The following THAP5 variants were observed in gnomAD, a reference collection of about 807,000 sequenced individuals.
The protein encoded by THAP5 is THAP domain-containing protein 5.
THAP5 carries 26 observed loss-of-function variants against 34.0 expected under a neutral mutation model. The observed-to-expected ratio is 0.77, with a 90% CI of 0.56 to 1.06. The LOEUF (loss-of-function observed/expected upper bound fraction) is 1.06, where lower values mean the gene tolerates loss of function less well. THAP5 is among the 50% of genes least tolerant of loss of function. The pLI is 0.00. For missense variants in THAP5, 394 were observed against 452.8 expected, an observed-to-expected ratio of 0.87 and a Z score of 1.18; for synonymous variants, 125 against 153.0, an observed-to-expected ratio of 0.82 and a Z score of 1.35.
Position 108,564,519 on chromosome 7 carries a change from G to C in THAP5, c.860C>G (p.Ser287Cys). 1 of 1,613,840 alleles carries C rather than the reference G, an allele frequency of 6.2e-7. No homozygotes were observed. The highest frequency in any genetic ancestry group is 8.5e-7 in the Non-Finnish European group (1 of 1,179,890). Residue 287 changes from serine to cysteine, a missense_variant, in exon 3 of 3, where the codon TCT (serine) becomes TGT (cysteine). Coordinates refer to ENST00000415914, the MANE Select transcript of THAP5 (RefSeq NM_001130475.3). Reference protein sequence around the residue: ...PAENSKPSVNSFISAQKETTE... With the variant: ...PAENSKPSVNCFISAQKETTE... ...GGTTTCTTTTTGTGCAGATATAAAAGAATTAACTGAGGGTTTAGAATTTTC... is the reference window on the plus strand; with the variant it reads ...GGTTTCTTTTTGTGCAGATATAAAACAATTAACTGAGGGTTTAGAATTTTC...
chr7:108,553,687 A>G (rs762902586), downstream of THAP5, among the ~76,000 whole-genome samples: 7 of 152,180 alleles, frequency 4.6e-5, no homozygotes, highest in Non-Finnish European at 7.4e-5. Flanking sequence ...GTAATTTGAC[A>G]GAGGTAAGCT....
At chr7:108,550,857 G>C (rs908341602), downstream of THAP5, among the ~76,000 whole-genome samples, 5 of 152,140 alleles carry the variant, frequency 3.3e-5, no homozygotes, top group African/African-American at 1.2e-4. Context: ...ACGTCCTGAG[G>C]TACTGGGCTT....
downstream of THAP5, among the ~76,000 whole-genome samples, chr7:108,560,812 C>T (rs1055411008): frequency 9.9e-5 from 15 of 152,210 alleles, no homozygotes; most frequent in African/African-American, 3.6e-4. Flanking sequence ...GCAGTCATGG[C>T]TCACTGCAGC....
At chr7:108,566,577 C>CT (rs751603604) in intron 1 of THAP5, among the ~76,000 whole-genome samples, 1 of 152,128 alleles carries the variant, frequency 6.6e-6, no homozygotes, top group Non-Finnish European at 1.5e-5. Flanking sequence ...CTAGCATCAT[C>CT]TTTAATTCTA....
the THAP5 span, among the ~76,000 whole-genome samples, chr7:108,546,333 C>T: frequency 7.2e-5 from 11 of 152,156 alleles, no homozygotes; most frequent in African/African-American, 2.7e-4. Context: ...GGCAATTACA[C>T]AGCAAAGTGT....
At chr7:108,546,545 G>A in the THAP5 span, among the ~76,000 whole-genome samples, 1 of 152,122 alleles carries the variant, frequency 6.6e-6, no homozygotes. Context: ...GAATCGTAAG[G>A]GGACGAGGAG....
At chr7:108,545,057 A>T in the THAP5 span, among the ~76,000 whole-genome samples, 1 of 152,202 alleles carries the variant, frequency 6.6e-6, no homozygotes, top group African/African-American at 2.4e-5. Context: ...AATAAATTAT[A>T]TTTAGTTTTA....
downstream of THAP5, among the ~76,000 whole-genome samples, chr7:108,560,655 C>T (rs1864420607): frequency 6.6e-6 from 1 of 152,188 alleles, no homozygotes; most frequent in Non-Finnish European, 1.5e-5. Flanking sequence ...GAGTTTGAAA[C>T]AGATGCCATT....
At chr7:108,547,691 G>A in the THAP5 span, among the ~76,000 whole-genome samples, 2 of 152,066 alleles carry the variant, frequency 1.3e-5, no homozygotes, top group African/African-American at 4.8e-5. Context: ...TTTAGATATG[G>A]GACACTTTTT....
intron 1 of THAP5, among the ~76,000 whole-genome samples, chr7:108,566,393 ATAAAT>A (rs1790488877): frequency 1.3e-5 from 2 of 152,356 alleles, no homozygotes; most frequent in South Asian, 4.1e-4. Context: ...AAAGGTTTGT[ATAAAT>A]TATAAATTCC....
intron 1 of THAP5, among the ~76,000 whole-genome samples, chr7:108,556,319 T>C (rs1864385545): frequency 6.6e-6 from 1 of 152,168 alleles, no homozygotes; most frequent in African/African-American, 2.4e-5. Flanking sequence ...CATTCCAGCA[T>C]TAACTCAAAA....
intron 1 of THAP5, among the ~76,000 whole-genome samples, chr7:108,556,397 C>A (rs1364615740): frequency 6.6e-6 from 1 of 152,114 alleles, no homozygotes; most frequent in Non-Finnish European, 1.5e-5. Flanking sequence ...AAAAATGAAT[C>A]AAAAACAAGT....
At position 108,564,016 on chromosome 7, in the gene THAP5, T is replaced by C; in HGVS notation, c.*175A>G. 1 of 507,362 alleles carries C rather than the reference T, an allele frequency of 2.0e-6. No homozygotes were observed. The highest frequency in any genetic ancestry group is 3.3e-6 in the Non-Finnish European group (1 of 300,292). 31.4% of individuals were successfully genotyped at this position (507,362 alleles called of 1,614,324 possible). A position where few individuals can be genotyped will look rare whatever the true frequency, so the allele number is the denominator to read the frequency against. On this transcript the variant is annotated 3_prime_UTR_variant, in exon 3 of 3. Coordinates refer to ENST00000415914, the MANE Select transcript of THAP5 (RefSeq NM_001130475.3). ...AAACTGCTTTTCTCTCCAGCCCAAC[T>C]CTCTGGTTTTTCTTAAATAAGTATT...
At chr7:108,547,590 T>C in the THAP5 span, among the ~76,000 whole-genome samples, 2 of 152,222 alleles carry the variant, frequency 1.3e-5, no homozygotes, top group Non-Finnish European at 2.9e-5. Context: ...TATATAGTAA[T>C]TTGAACATTA....
chr7:108,547,968 A>G, the THAP5 span, among the ~76,000 whole-genome samples: 1 of 152,328 alleles, frequency 6.6e-6, no homozygotes, highest in African/African-American at 2.4e-5. Context: ...GCCTATGCAC[A>G]TGAAATTTTG....
In THAP5 at chr7:108,569,443, C is replaced by T. The variant is rs1397306305; in HGVS notation, c.80+47G>A. The T allele has an allele frequency of 2.6e-6, 4 of 1,550,994 alleles. No individual in the cohort carries two copies. The South Asian group carries it at 4.8e-5, about 18-fold the overall frequency. ...CACCCAAGCCCAAAGGCCACAGGTC[C>T]AAGGCCTCACGGCGAGGCTGACGCT... On this transcript the variant is annotated intron_variant, in intron 1 of 2. Transcript: ENST00000415914.
At chr7:108,566,724 T>C (rs754396201) in intron 1 of THAP5, among the ~76,000 whole-genome samples, 3 of 152,158 alleles carry the variant, frequency 2.0e-5, no homozygotes, top group Non-Finnish European at 2.9e-5. Context: ...AGATATTTTA[T>C]ATGAAACAAA....
chr7:108,569,300 G>C (rs1019723210), intron 1 of THAP5, 190 bp downstream of exon 1: 1 of 1,443,900 alleles, frequency 6.9e-7, no homozygotes, highest in East Asian at 2.5e-5. Flanking sequence ...CCAGCCAGCA[G>C]TCCTCGCGCA....
At chr7:108,544,703 C>T in the THAP5 span, among the ~76,000 whole-genome samples, 1 of 151,932 alleles carries the variant, frequency 6.6e-6, no homozygotes, top group Non-Finnish European at 1.5e-5. Flanking sequence ...GTCACCCAGG[C>T]TGGAGTAGCA....
Sources: allele counts gnomAD v4.1 joint callset (sites outside exome capture counted in the v4.1 genomes callset), GRCh38; gene constraint gnomAD v4.1.1; transcripts MANE v1.5; gene names NCBI Gene and HGNC (gene_info 2026-07-23, HGNC 2026-07-21).